FBXL12: variants seen among roughly 807,000 people sequenced by gnomAD.
FBXL12 encodes the protein F-box and leucine rich repeat protein 12.
FBXL12 carries 22 observed loss-of-function variants against 24.9 expected under a neutral mutation model. That is an observed-to-expected ratio of 0.88 (90% CI 0.63 to 1.26). The LOEUF (loss-of-function observed/expected upper bound fraction) is 1.26. FBXL12 is among the 50% of genes most tolerant of loss of function. The pLI is 0.00. For synonymous variants in FBXL12, 193 were observed against 193.8 expected (o/e 1.00, Z 0.03); for missense variants, 384 against 434.1 (o/e 0.88, Z 1.03).
At position 9,819,071 on chromosome 19, in the gene FBXL12, A is replaced by G. The variant is rs1246100599; in HGVS notation, c.-258T>C. On this transcript the variant is annotated 5_prime_UTR_variant, in exon 1 of 3. Coordinates refer to ENST00000247977, the MANE Select transcript of FBXL12 (RefSeq NM_017703.3). ...AGGCGTGATTTGGCCGCGACTGGGA[A>G]CTAAGACCAAGTCCAGAAGGCGGGG... 33 of 552,798 alleles carry G rather than the reference A, an allele frequency of 6.0e-5. 2 individuals are homozygous for G. In the South Asian group the frequency reaches 6.8e-4, roughly 11 times the overall value. 34.2% of individuals were successfully genotyped at this position (552,798 alleles called of 1,614,324 possible).
intron 2 of FBXL12, chr19:9,813,230 C>T: frequency 8.1e-7 from 1 of 1,230,972 alleles, no homozygotes. Context: ...AGCATGCTTA[C>T]ATCTGCCTTT....
chr19:9,813,796 C>T (rs1004145033), intron 2 of FBXL12, among the ~76,000 whole-genome samples: 1 of 150,436 alleles, frequency 6.6e-6, no homozygotes, highest in Non-Finnish European at 1.5e-5. Flanking sequence ...GAGCCACGCG[C>T]CTGGCCTTAA....
rs370021637 is a variant in FBXL12, at chr19:9,811,621, C to A, written c.256G>T (p.Ala86Ser). Residue 86 changes from alanine to serine, a missense_variant, in exon 3 of 3, where the codon GCC becomes TCC. Transcript: ENST00000247977. This position sits in a 1 kb window ranked among gnomAD's most constrained non-coding sequence, Gnocchi z 6.0. ...AACAGAGCAGGGGACAACTGGGGGG[C>A]CTGGGAGCCAGAGAACAGGTAGCCA... The part of the protein sequence containing the change: ...MGGYLFSGSQ[A>S]PQLSPALLRA... 1.3e-6 allele frequency: 2 copies of A among 1,534,850 alleles called. No individual in the cohort carries two copies. The highest frequency in any genetic ancestry group is 1.8e-6 in the Non-Finnish European group (2 of 1,139,974).
chr19:9,810,841 G>C lies in FBXL12; in HGVS notation c.*55C>G. 7.1e-7 allele frequency: 1 copy of C among 1,408,854 alleles called. No homozygotes were observed. Among genetic ancestry groups the C allele is most frequent in the Admixed American group, 2.1e-5 (1 of 47,770 alleles). 87.3% of individuals were successfully genotyped at this position (1,408,854 alleles called of 1,614,324 possible). On this transcript the variant is annotated 3_prime_UTR_variant, in exon 3 of 3. Coordinates refer to ENST00000247977, the MANE Select transcript of FBXL12 (RefSeq NM_017703.3). ...TGCCCTCTTCAAGGTGCTGCTCAGA[G>C]GGTCTGGGGCTCAATGATGAAAACT...
chr19:9,813,416 A>G, intron 2 of FBXL12: 1 of 390,030 alleles, frequency 2.6e-6, no homozygotes, highest in Non-Finnish European at 4.3e-6. Context: ...AGTCACCGCA[A>G]CCTCCGCCTC....
Position 9,810,672 on chromosome 19 carries a change from T to G in FBXL12, c.*224A>C. The stretch of plus-strand genomic sequence containing the variant: ...TGAGGTAGCTATGATCATCCTTATT[T>G]CCAGATGTGGGAACTAGGCTTCCCA... On this transcript the variant is annotated 3_prime_UTR_variant, in exon 3 of 3. Coordinates refer to ENST00000247977, the MANE Select transcript of FBXL12 (RefSeq NM_017703.3). 1 of 448,308 alleles carries G rather than the reference T, an allele frequency of 2.2e-6. No homozygotes were observed. The highest frequency in any genetic ancestry group is 4.0e-6 in the Non-Finnish European group (1 of 251,098). The allele number at this position is 448,308 out of a possible 1,614,324, so 27.8% of individuals were successfully genotyped here. A position where few individuals can be genotyped will look rare whatever the true frequency, so the allele number is the denominator to read the frequency against.
chr19:9,817,181 ATC>A (rs2045904800), intron 2 of FBXL12, among the ~76,000 whole-genome samples: 1 of 152,208 alleles, frequency 6.6e-6, no homozygotes, highest in African/African-American at 2.4e-5. Context: ...GTTTTAATGA[ATC>A]TTCTCAGGCG....
intron 2 of FBXL12, among the ~76,000 whole-genome samples, chr19:9,816,061 C>T (rs950639320): frequency 6.6e-6 from 1 of 152,228 alleles, no homozygotes; most frequent in Non-Finnish European, 1.5e-5. Context: ...ACGTTGGCCC[C>T]TTTCAGCTAC....
chr19:9,811,111 T>A lies in FBXL12; in HGVS notation c.766A>T (p.Ser256Cys). 1 of 1,604,924 alleles carries A rather than the reference T, an allele frequency of 6.2e-7. No individual in the cohort carries two copies. The highest frequency in any genetic ancestry group is 8.5e-7 in the Non-Finnish European group (1 of 1,172,670). The change falls in exon 3 of 3, where the codon AGT becomes TGT. Residue 256 changes from serine to cysteine, a missense_variant. Physicochemically the swap from Ser to Cys is moderately radical, Grantham distance 112. Coordinates refer to ENST00000247977, the MANE Select transcript of FBXL12 (RefSeq NM_017703.3). The surrounding 1 kb of genome is among the most constrained non-coding windows in gnomAD (Gnocchi z 6.0). The part of the protein sequence containing the change: ...AVLEGMPALE[S>C]LCLQGPLVTP... ...ACGAGGGGACCCTGCAGGCACAGAC[T>A]CTCCAGGGCCGGCATTCCCTCCAGC...
intron 2 of FBXL12, among the ~76,000 whole-genome samples, chr19:9,817,222 G>A (rs2045905697): frequency 6.6e-6 from 1 of 152,200 alleles, no homozygotes; most frequent in African/African-American, 2.4e-5. Context: ...CTTGAGCCCA[G>A]GAGATGGAGG....
At chr19:9,812,769 A>C (rs955308887) in intron 2 of FBXL12, among the ~76,000 whole-genome samples, 14 of 150,830 alleles carry the variant, frequency 9.3e-5, no homozygotes, top group Non-Finnish European at 2.1e-4. Context: ...TAAAAAAAAA[A>C]AAAAAAAAAC....
In FBXL12 at chr19:9,811,779, G is replaced by A; in HGVS notation, c.160-62C>T. 1 of 1,396,658 alleles carries A rather than the reference G, an allele frequency of 7.2e-7. No homozygotes were observed. Among genetic ancestry groups the A allele is most frequent in the Non-Finnish European group, 9.5e-7 (1 of 1,049,608 alleles). 86.5% of individuals were successfully genotyped at this position (1,396,658 alleles called of 1,614,324 possible). A position where few individuals can be genotyped will look rare whatever the true frequency, so the allele number is the denominator to read the frequency against. ...GTATGGAGCTTCCAAGGCCCCTGCT[G>A]GGCTGGAGACACACAACCCCGGGGT... On this transcript the variant is annotated intron_variant, in intron 2 of 2. Coordinates refer to ENST00000247977, the MANE Select transcript of FBXL12 (RefSeq NM_017703.3). This position sits in a 1 kb window ranked among gnomAD's most constrained non-coding sequence, Gnocchi z 6.0.
chr19:9,811,720 G>C lies in FBXL12; in HGVS notation c.160-3C>G, dbSNP rs377463817. Reference sequence around the variant, plus strand: ...TGCCACATGACTTTAGGTCGCATCTGTAAGAGCCAGAGATTGGGGTGACAG... The same window carrying C: ...TGCCACATGACTTTAGGTCGCATCTCTAAGAGCCAGAGATTGGGGTGACAG... On this transcript the variant is annotated splice_region_variant and splice_polypyrimidine_tract_variant and intron_variant, in intron 2 of 2. Transcript: ENST00000247977. This position sits in a 1 kb window ranked among gnomAD's most constrained non-coding sequence, Gnocchi z 6.0. The C allele has an allele frequency of 1.2e-5, 18 of 1,508,602 alleles. No homozygotes were observed. Among genetic ancestry groups the C allele is most frequent in the Non-Finnish European group, 1.5e-5 (17 of 1,128,656 alleles). The allele number at this position is 1,508,602 out of a possible 1,614,324, so 93.5% of individuals were successfully genotyped here.
Position 9,812,619 on chromosome 19 carries a change from G to A in FBXL12, c.160-902C>T, listed in dbSNP as rs141334357. Among the ~76,000 whole-genome samples, 232 of 149,046 alleles carry A rather than the reference G, an allele frequency of 1.6e-3. 2 individuals are homozygous for A. Among genetic ancestry groups the A allele is most frequent in the African/African-American group, 5.3e-3 (216 of 40,678 alleles). On this transcript the variant is annotated intron_variant, in intron 2 of 2. Transcript: ENST00000247977. ...CTATCTTTAGCAATAAATTTTTACCGTTTTTTCTGGACTAAGAAAAAGAGC... is the reference window on the plus strand; with the variant it reads ...CTATCTTTAGCAATAAATTTTTACCATTTTTTCTGGACTAAGAAAAAGAGC...
chr19:9,816,907 G>A (rs564322975), intron 2 of FBXL12, among the ~76,000 whole-genome samples: 36 of 152,266 alleles, frequency 2.4e-4, no homozygotes, highest in African/African-American at 8.7e-4. Context: ...AAATCATGGC[G>A]GGAGGTGAAA....
At chr19:9,816,950 A>T (rs1214443368) in intron 2 of FBXL12, among the ~76,000 whole-genome samples, 1 of 152,174 alleles carries the variant, frequency 6.6e-6, no homozygotes, top group Non-Finnish European at 1.5e-5. Flanking sequence ...GCAAAAGAAA[A>T]TGAGAAAGAA....
In FBXL12 at chr19:9,818,973, A is replaced by G. The variant is rs1176597091; in HGVS notation, c.-160T>C. On this transcript the variant is annotated 5_prime_UTR_variant, in exon 1 of 3. Coordinates refer to ENST00000247977, the MANE Select transcript of FBXL12 (RefSeq NM_017703.3). ...AGTGATTCGGTCCCAGGGCCGGACCAGCCGCGGATGGGGACCAGAAACCAG... is the reference window on the plus strand; with the variant it reads ...AGTGATTCGGTCCCAGGGCCGGACCGGCCGCGGATGGGGACCAGAAACCAG... The G allele has an allele frequency of 2.9e-6, 2 of 680,644 alleles. No individual in the cohort carries two copies. Among genetic ancestry groups the G allele is most frequent in the East Asian group, 2.8e-5 (1 of 36,084 alleles). 42.2% of individuals were successfully genotyped at this position (680,644 alleles called of 1,614,324 possible).
intron 2 of FBXL12, among the ~76,000 whole-genome samples, chr19:9,814,875 A>G (rs2045846347): frequency 6.6e-6 from 1 of 152,106 alleles, no homozygotes; most frequent in Admixed American, 6.6e-5. Flanking sequence ...GAATTCTGGG[A>G]AATACAATTC....
Position 9,818,915 on chromosome 19 carries a change from C to A in FBXL12, c.-102G>T, listed in dbSNP as rs1037997497. On this transcript the variant is annotated 5_prime_UTR_variant, in exon 1 of 3. Coordinates refer to ENST00000247977, the MANE Select transcript of FBXL12 (RefSeq NM_017703.3). ...GCGGCGGCCGCGACCTTCCCGTAGC[C>A]GGTCGAGAAATTTGACCTTCCTCTC... 2 of 1,131,468 alleles carry A rather than the reference C, an allele frequency of 1.8e-6. No individual in the cohort carries two copies. Among genetic ancestry groups the A allele is most frequent in the Non-Finnish European group, 2.5e-6 (2 of 793,668 alleles). 70.1% of individuals were successfully genotyped at this position (1,131,468 alleles called of 1,614,324 possible). A position where few individuals can be genotyped will look rare whatever the true frequency, so the allele number is the denominator to read the frequency against.
Sources: allele counts gnomAD v4.1 joint callset (sites outside exome capture counted in the v4.1 genomes callset), GRCh38; gene constraint gnomAD v4.1.1; non-coding constraint Gnocchi (gnomAD v3.1); transcripts MANE v1.5; gene names NCBI Gene and HGNC (gene_info 2026-07-23, HGNC 2026-07-21).